The following FGF12 variants were observed in gnomAD, a reference collection of about 807,000 sequenced individuals.
FGF12 encodes fibroblast growth factor 12.
A neutral mutation model predicts 23.6 loss-of-function variants in FGF12; 14 were observed. The observed-to-expected ratio is 0.59, with a 90% CI of 0.39 to 0.93. The LOEUF is 0.93. FGF12 is among the 40% of genes least tolerant of loss of function. The probability of loss-of-function intolerance (pLI) is 0.00; values close to 1 mark genes in which losing one functional copy is unlikely to be tolerated. For synonymous variants in FGF12, 62 were observed against 77.3 expected (o/e 0.80, Z 1.04); for missense variants, 175 against 217.8 (o/e 0.80, Z 1.24).
intron 2 of FGF12, among the ~76,000 whole-genome samples, chr3:192,538,992 T>A (rs552640658): frequency 6.6e-6 from 1 of 152,370 alleles, no homozygotes; most frequent in African/African-American, 2.4e-5. Context: ...GTTAATTTTG[T>A]ATCCTGCAAC....
chr3:192,232,568 G>A (rs902435959), intron 4 of FGF12, among the ~76,000 whole-genome samples: 3 of 138,510 alleles, frequency 2.2e-5, no homozygotes, highest in Admixed American at 1.4e-4. Context: ...TTTCTTTTAG[G>A]TCCAGGGGGT....
At chr3:192,721,411 A>G (rs1719035474) in intron 2 of FGF12, among the ~76,000 whole-genome samples, 1 of 152,128 alleles carries the variant, frequency 6.6e-6, no homozygotes, top group South Asian at 2.1e-4. Flanking sequence ...TTGTTTTGTT[A>G]TCTATAAAAT....
At chr3:192,253,957 G>C (rs1394067975) in intron 4 of FGF12, among the ~76,000 whole-genome samples, 1 of 151,930 alleles carries the variant, frequency 6.6e-6, no homozygotes, top group East Asian at 1.9e-4. Context: ...ATGATGTTTT[G>C]AAATATATAT....
At chr3:192,565,545 G>A (rs368377502) in intron 2 of FGF12, among the ~76,000 whole-genome samples, 4 of 152,236 alleles carry the variant, frequency 2.6e-5, no homozygotes, top group East Asian at 1.9e-4. Flanking sequence ...AAATACAGTT[G>A]TCTGTAGTAT....
At chr3:192,287,078 GA>G (rs893573391) in intron 4 of FGF12, among the ~76,000 whole-genome samples, 32 of 151,950 alleles carry the variant, frequency 2.1e-4, no homozygotes, top group African/African-American at 7.7e-4. Flanking sequence ...CCTAAAATAA[GA>G]AAAATATAGC....
At chr3:192,169,112 G>C (rs563628977) in intron 5 of FGF12, among the ~76,000 whole-genome samples, 139 of 152,204 alleles carry the variant, frequency 9.1e-4, no homozygotes, top group African/African-American at 3.1e-3. Flanking sequence ...AGGCCGAGGT[G>C]GGCAGATAAC....
rs542486478 is a variant in FGF12, at chr3:192,568,030, A to C, written c.13+159151T>G. 2.5e-4 allele frequency among the ~76,000 whole-genome samples: 38 copies of C among 151,730 alleles called. 1 individual carries two copies. In the South Asian group the frequency reaches 7.7e-3, roughly 31 times the overall value. On this transcript the variant is annotated intron_variant, in intron 2 of 5. Transcript: ENST00000445105. ...GTATATTTAATAGAGATGGGGTTTCACCATGTTGGCCAGGCTGGTCTTGAA... is the reference window on the plus strand; with the variant it reads ...GTATATTTAATAGAGATGGGGTTTCCCCATGTTGGCCAGGCTGGTCTTGAA...
chr3:192,456,378 G>C (rs1248581439), intron 2 of FGF12, among the ~76,000 whole-genome samples: 1 of 152,148 alleles, frequency 6.6e-6, no homozygotes, highest in Non-Finnish European at 1.5e-5. Context: ...AAAGCCTGCT[G>C]TCAAGCAGGC....
Position 192,227,606 on chromosome 3 carries a change from GA to G in FGF12, c.229-56951del, listed in dbSNP as rs962160914. Reference sequence around the variant, plus strand: ...AAAAAAAAAAAAAAAAAAGAAAAAAGAAAAAAAATTTCTATCACACCATAGT... The same window carrying G: ...AAAAAAAAAAAAAAAAAAGAAAAAAGAAAAAAATTTCTATCACACCATAGT... On this transcript the variant is annotated intron_variant, in intron 4 of 5. Transcript: ENST00000445105. 9.3e-5 allele frequency among the ~76,000 whole-genome samples: 13 copies of G among 139,766 alleles called. No homozygotes were observed. In the East Asian group the frequency reaches 1.0e-3, roughly 11 times the overall value. The allele number at this position is 139,766 out of a possible 152,430, so 91.7% of individuals were successfully genotyped here.
chr3:192,711,107 A>C (rs1718651878), intron 2 of FGF12, among the ~76,000 whole-genome samples: 1 of 152,244 alleles, frequency 6.6e-6, no homozygotes. Context: ...AGGTAACCAA[A>C]TATAAAAATA....
chr3:192,160,420 A>G (rs1293031281), intron 5 of FGF12, among the ~76,000 whole-genome samples: 1 of 152,108 alleles, frequency 6.6e-6, no homozygotes, highest in African/African-American at 2.4e-5. Context: ...GGAATCTCTC[A>G]GCTTTGCCTG....
chr3:192,429,942 T>C (rs1721812259), intron 2 of FGF12, among the ~76,000 whole-genome samples: 1 of 152,200 alleles, frequency 6.6e-6, no homozygotes, highest in Non-Finnish European at 1.5e-5. Context: ...ACAGAGTAGA[T>C]TTTCAATGGT....
chr3:192,341,114 A>G (rs1394596062), intron 3 of FGF12, among the ~76,000 whole-genome samples: 1 of 152,160 alleles, frequency 6.6e-6, no homozygotes, highest in Non-Finnish European at 1.5e-5. Context: ...ACTCAAAAGG[A>G]AAAACAAAAC....
At position 192,513,155 on chromosome 3, in the gene FGF12, A is replaced by G. The variant is rs186557717; in HGVS notation, c.14-152617T>C. Among the ~76,000 whole-genome samples, 256 of 152,128 alleles carry G rather than the reference A, an allele frequency of 1.7e-3. 1 individual carries two copies. The highest frequency in any genetic ancestry group is 5.4e-3 in the African/African-American group (224 of 41,538). On this transcript the variant is annotated intron_variant, in intron 2 of 5. Transcript: ENST00000445105. ...CTAAGAGACATATACCCAAGTTATGATCTATTCACATTATATTTACTGTGG... is the reference window on the plus strand; with the variant it reads ...CTAAGAGACATATACCCAAGTTATGGTCTATTCACATTATATTTACTGTGG...
At chr3:192,192,902 A>G (rs1444290314) in intron 4 of FGF12, among the ~76,000 whole-genome samples, 1 of 152,196 alleles carries the variant, frequency 6.6e-6, no homozygotes, top group East Asian at 1.9e-4. Context: ...TTGCATCATG[A>G]ACTGTCAATA....
At chr3:192,232,027 T>C (rs1211990620) in intron 4 of FGF12, among the ~76,000 whole-genome samples, 2 of 152,204 alleles carry the variant, frequency 1.3e-5, no homozygotes, top group African/African-American at 4.8e-5. Flanking sequence ...GAATATTCAT[T>C]TGAAATAAAT....
At chr3:192,307,800 C>T (rs1361780324) in intron 4 of FGF12, among the ~76,000 whole-genome samples, 2 of 152,116 alleles carry the variant, frequency 1.3e-5, no homozygotes, top group Non-Finnish European at 2.9e-5. Context: ...AATTTCATTT[C>T]CCATTTTGGA....
chr3:192,648,283 C>G (rs953941932), intron 2 of FGF12, among the ~76,000 whole-genome samples: 1 of 151,988 alleles, frequency 6.6e-6, no homozygotes, highest in Non-Finnish European at 1.5e-5. Flanking sequence ...TAACAACTGA[C>G]TAGTGGTCCA....
At chr3:192,278,085 G>A (rs1334474251) in intron 4 of FGF12, among the ~76,000 whole-genome samples, 6 of 152,080 alleles carry the variant, frequency 3.9e-5, no homozygotes, top group Admixed American at 3.9e-4. Flanking sequence ...AAGGTTTTAC[G>A]CTGTTACCAA....
Sources: gnomAD v4.1 joint callset for allele counts (sites outside exome capture counted in the v4.1 genomes callset) on GRCh38, gnomAD v4.1.1 for gene constraint, MANE v1.5 for transcripts, NCBI Gene and HGNC (gene_info 2026-07-23, HGNC 2026-07-21) for gene names.